Variants in WNT9A observed in about 807,000 individuals in gnomAD.
WNT9A encodes protein Wnt-9a.
In WNT9A, 8 loss-of-function variants were observed where a neutral mutation model predicts 31.4. The observed-to-expected ratio is 0.26, with a 90% confidence interval of 0.15 to 0.46. WNT9A has a LOEUF of 0.46. Among genes scored for constraint, WNT9A ranks in the 20% least tolerant of loss-of-function variants. The probability of loss-of-function intolerance (pLI) is 0.99; values close to 1 mark genes in which losing one functional copy is unlikely to be tolerated. For missense variants in WNT9A, 457 were observed against 522.9 expected (o/e 0.87, Z 1.23); for synonymous variants, 236 against 220.1 (o/e 1.07, Z -0.64).
rs867669847 is a variant in WNT9A, at chr1:227,925,281, C to T, written c.334G>A (p.Ala112Thr). The T allele has an allele frequency of 6.4e-7, 1 of 1,566,628 alleles. No homozygotes were observed. The highest frequency in any genetic ancestry group is 8.6e-7 in the Non-Finnish European group (1 of 1,156,126). Residue 112 changes from alanine to threonine, a missense_variant, in exon 2 of 4, where the codon GCC becomes ACC. By Grantham distance (58) the Ala-to-Thr change is moderately conservative. Coordinates refer to ENST00000272164, the MANE Select transcript of WNT9A (RefSeq NM_003395.4). The surrounding 1 kb of genome is among the most constrained non-coding windows in gnomAD (Gnocchi z 6.0). ...CACTCACCTCGCTTGAGCAGGCTGG[C>T]CCGGTAGCGGCCCTCCAGCGTGCAG... ...WNCTLEGRYR[A>T]SLLKRGFKET...
At position 227,921,913 on chromosome 1, in the gene WNT9A, G is replaced by A. The variant is rs866226850; in HGVS notation, c.703C>T (p.Pro235Ser). The A allele has an allele frequency of 6.2e-7, 1 of 1,613,156 alleles. No individual in the cohort carries two copies. Among genetic ancestry groups the A allele is most frequent in the East Asian group, 2.2e-5 (1 of 44,872 alleles). ...AGATGCTTGCCCACCTCATGGAAAGGCGCCAACTGCCGCCAGCAGGTCCGC... is the reference window on the plus strand; with the variant it reads ...AGATGCTTGCCCACCTCATGGAAAGACGCCAACTGCCGCCAGCAGGTCCGC... ...TVRTCWRQLA[P>S]FHEVGKHLKH... is the part of the protein sequence containing the mutation. The change falls in exon 4 of 4, where the codon CCT (proline) becomes TCT (serine). Residue 235 changes from proline (P) to serine (S), a missense_variant. By Grantham distance (74) the Pro-to-Ser change is moderately conservative. Coordinates refer to ENST00000272164, the MANE Select transcript of WNT9A (RefSeq NM_003395.4).
chr1:227,947,406 G>T (rs1015278921), intron 1 of WNT9A, among the ~76,000 whole-genome samples: 2 of 152,190 alleles, frequency 1.3e-5, no homozygotes, highest in Admixed American at 1.3e-4. Context: ...GAAAGGGGGG[G>T]AAGCTGCTAG....
intron 1 of WNT9A, among the ~76,000 whole-genome samples, chr1:227,944,974 G>A (rs1666771668): frequency 6.6e-6 from 1 of 152,188 alleles, no homozygotes; most frequent in Admixed American, 6.5e-5. Context: ...GCCAGGGGTG[G>A]GGGTCCAAGC....
intron 1 of WNT9A, among the ~76,000 whole-genome samples, chr1:227,946,825 C>A (rs1334635165): frequency 6.6e-6 from 1 of 152,022 alleles, no homozygotes; most frequent in Admixed American, 6.5e-5. Context: ...GCCAGAGGGC[C>A]GGGAACAGGT....
At chr1:227,935,390 C>T (rs1202056553) in intron 1 of WNT9A, among the ~76,000 whole-genome samples, 1 of 152,196 alleles carries the variant, frequency 6.6e-6, no homozygotes, top group South Asian at 2.1e-4. Context: ...GCCTGAGTCA[C>T]AATCTCAGGC....
At position 227,935,671 on chromosome 1, in the gene WNT9A, CTT is replaced by C. The variant is rs199978246; in HGVS notation, c.96-10154_96-10153del. ...AGGGTCTGGAGCCTCAGTTTACCCT[CTT>C]GTCTCATCCTTTCTGTTGACCATGC... On this transcript the variant is annotated intron_variant, in intron 1 of 3. Coordinates refer to ENST00000272164, the MANE Select transcript of WNT9A (RefSeq NM_003395.4). Among the ~76,000 whole-genome samples, 655 of 152,364 alleles carry C rather than the reference CTT, an allele frequency of 4.3e-3. 7 individuals are homozygous for C. Among genetic ancestry groups the C allele is most frequent in the African/African-American group, 0.014 (600 of 41,580 alleles).
At chr1:227,922,211 C>G (rs575787281) in intron 3 of WNT9A, among the ~76,000 whole-genome samples, 2 of 152,348 alleles carry the variant, frequency 1.3e-5, no homozygotes, top group South Asian at 2.1e-4. Flanking sequence ...CTGCCCAAGA[C>G]AGAGGCTCCA....
In WNT9A at chr1:227,928,114, G is replaced by A. The variant is rs937636121; in HGVS notation, c.96-2595C>T. Among the ~76,000 whole-genome samples the A allele has an allele frequency of 3.0e-4, 46 of 152,056 alleles. 1 individual carries two copies. The highest frequency in any genetic ancestry group is 6.5e-5 in the Admixed American group (1 of 15,282). Reference sequence around the variant, plus strand: ...GCCCACACTGGTCAGTGTGAGGCCCGAGCACGCCGGGGCACTGAGAGCTGG... The same window carrying A: ...GCCCACACTGGTCAGTGTGAGGCCCAAGCACGCCGGGGCACTGAGAGCTGG... On this transcript the variant is annotated intron_variant, in intron 1 of 3. Coordinates refer to ENST00000272164, the MANE Select transcript of WNT9A (RefSeq NM_003395.4). This position sits in a 1 kb window ranked among gnomAD's most constrained non-coding sequence, Gnocchi z 4.5.
chr1:227,932,457 G>C (rs1239945532), intron 1 of WNT9A, among the ~76,000 whole-genome samples: 3 of 152,038 alleles, frequency 2.0e-5, no homozygotes, highest in African/African-American at 7.3e-5. Context: ...CATCCCTGAG[G>C]GCTGGAATCA....
intron 1 of WNT9A, among the ~76,000 whole-genome samples, chr1:227,938,434 C>A (rs1318631873): frequency 6.6e-6 from 1 of 151,626 alleles, no homozygotes; most frequent in African/African-American, 2.4e-5. Context: ...CATACGAACC[C>A]ATAAACCCAT....
rs973985066 is a variant in WNT9A at position 227,947,904 on chromosome 1, G to A, written c.-17C>T. 21 of 1,058,908 alleles carry A rather than the reference G, an allele frequency of 2.0e-5. No individual in the cohort carries two copies. The highest frequency in any genetic ancestry group is 4.4e-5 in the South Asian group (1 of 22,742). 65.6% of individuals were successfully genotyped at this position (1,058,908 alleles called of 1,614,324 possible). Reference sequence around the variant, plus strand: ...ATCCAGCATCTTGCCGCGCCTCGGCGGCCGACCATCGCGCTCCCAGCTCCG... The same window carrying A: ...ATCCAGCATCTTGCCGCGCCTCGGCAGCCGACCATCGCGCTCCCAGCTCCG... On this transcript the variant is annotated 5_prime_UTR_variant, in exon 1 of 4. Transcript: ENST00000272164.
Position 227,920,162 on chromosome 1 carries a change from GCAGGGGCCGCCGGCTGGCCCAC to G in WNT9A, c.*1334_*1355del, listed in dbSNP as rs929973606. Reference sequence around the variant, plus strand: ...CGGGCGTCTGCCCACAGGGTGCAGGGCAGGGGCCGCCGGCTGGCCCACCACGTGGCAGTGGCTGGCTGGCATG... The same window carrying G: ...CGGGCGTCTGCCCACAGGGTGCAGGGCACGTGGCAGTGGCTGGCTGGCATG... On this transcript the variant is annotated 3_prime_UTR_variant, in exon 4 of 4. Transcript: ENST00000272164. 1 of 152,330 alleles carries G rather than the reference GCAGGGGCCGCCGGCTGGCCCAC, an allele frequency of 6.6e-6. No homozygotes were observed. The highest frequency in any genetic ancestry group is 2.4e-5 in the African/African-American group (1 of 41,472). 9.4% of individuals were successfully genotyped at this position (152,330 alleles called of 1,614,324 possible). A position where few individuals can be genotyped will look rare whatever the true frequency, so the allele number is the denominator to read the frequency against.
chr1:227,925,515 T>C lies in WNT9A; in HGVS notation c.100A>G (p.Thr34Ala). 6.5e-7 allele frequency: 1 copy of C among 1,541,650 alleles called. No homozygotes were observed. The highest frequency in any genetic ancestry group is 8.7e-7 in the Non-Finnish European group (1 of 1,148,630). ...AGGATGGTCAGGGGCTCGCTGCCCG[T>C]CAGCCTGGGCACAGAGAGGCCAGCA... ...LRPSAAYFGLTGSEPLTILPL... is the reference protein window; with the variant it reads ...LRPSAAYFGLAGSEPLTILPL... The change falls in exon 2 of 4, where the codon ACG becomes GCG. Residue 34 changes from threonine (T) to alanine (A), a missense_variant. Thr to Ala is a moderately conservative substitution (Grantham distance 58). Coordinates refer to ENST00000272164, the MANE Select transcript of WNT9A (RefSeq NM_003395.4). The surrounding 1 kb of genome is among the most constrained non-coding windows in gnomAD (Gnocchi z 6.0).
At chr1:227,939,527 G>A (rs984571205) in intron 1 of WNT9A, among the ~76,000 whole-genome samples, 6 of 152,226 alleles carry the variant, frequency 3.9e-5, no homozygotes, top group Non-Finnish European at 5.9e-5. Flanking sequence ...GAGAGAACCT[G>A]AAACACACAG....
At chr1:227,933,344 C>T (rs1356902317) in intron 1 of WNT9A, among the ~76,000 whole-genome samples, 1 of 152,220 alleles carries the variant, frequency 6.6e-6, no homozygotes, top group Non-Finnish European at 1.5e-5. Context: ...GGGTTAGGGC[C>T]TTACTCTGAA....
intron 1 of WNT9A, among the ~76,000 whole-genome samples, chr1:227,933,940 G>A (rs143307820): frequency 2.0e-5 from 3 of 152,334 alleles, no homozygotes; most frequent in East Asian, 1.9e-4. Flanking sequence ...GTGGAATCAC[G>A]CAGCATTGAC....
At position 227,924,131 on chromosome 1, in the gene WNT9A, C is replaced by T; in HGVS notation, c.615+7G>A. ...CCTTCCCACCCCGCCAGCCCCACCC[C>T]ACTTGCCTTCACACCCACGAGGTTG... On this transcript the variant is annotated splice_region_variant and intron_variant, in intron 3 of 3. Transcript: ENST00000272164. 1.2e-6 allele frequency: 2 copies of T among 1,603,678 alleles called. No individual in the cohort carries two copies. The highest frequency in any genetic ancestry group is 1.7e-6 in the Non-Finnish European group (2 of 1,173,058).
chr1:227,938,549 G>A (rs1242474894), intron 1 of WNT9A, among the ~76,000 whole-genome samples: 2 of 151,678 alleles, frequency 1.3e-5, no homozygotes, highest in East Asian at 2.0e-4. Flanking sequence ...ATATGAACCC[G>A]TAAACCGATA....
rs553807225 is a variant in WNT9A, at chr1:227,936,064, T to C, written c.96-10545A>G. On this transcript the variant is annotated intron_variant, in intron 1 of 3. Transcript: ENST00000272164. ...CCTCACTCCTTCCTGCATCTTGTTA[T>C]GCAGCAGGGCCTCCACCTCCTGAGG... Among the ~76,000 whole-genome samples the C allele has an allele frequency of 1.5e-4, 23 of 152,382 alleles. No individual in the cohort carries two copies. In the East Asian group the frequency reaches 4.2e-3, roughly 28 times the overall value.
Sources: allele counts gnomAD v4.1 joint callset (sites outside exome capture counted in the v4.1 genomes callset), GRCh38; gene constraint gnomAD v4.1.1; non-coding constraint Gnocchi (gnomAD v3.1); transcripts MANE v1.5; gene names NCBI Gene and HGNC (gene_info 2026-07-23, HGNC 2026-07-21).